The following ATP6V1E2 variants were observed in gnomAD, a reference collection of about 807,000 sequenced individuals.
ATP6V1E2 encodes V-type proton ATPase subunit E 2.
For missense variants in ATP6V1E2, 308 were observed against 273.3 expected, an observed-to-expected ratio of 1.13 and a Z score of -0.90; for synonymous variants, 121 against 104.2, an observed-to-expected ratio of 1.16 and a Z score of -0.98.
At chr2:46,517,939 C>T (rs1054357900) in intron 4 of ATP6V1E2, among the ~76,000 whole-genome samples, 2 of 152,188 alleles carry the variant, frequency 1.3e-5, no homozygotes, top group East Asian at 1.9e-4. Flanking sequence ...TGCTATGGAA[C>T]ACAGTATGGT....
Position 46,541,473 on chromosome 2 carries a change from A to G in ATP6V1E2, c.-373-20T>C, listed in dbSNP as rs1667766734. 6.6e-6 allele frequency: 1 copy of G among 152,136 alleles called. No individual in the cohort carries two copies. The highest frequency in any genetic ancestry group is 2.4e-5 in the African/African-American group (1 of 41,410). The allele number at this position is 152,136 out of a possible 1,614,324, so 9.4% of individuals were successfully genotyped here. ...GGCCTCCTGGATAGTGAGGAACGGG[A>G]ATACAACAGTGAGCATTTCCCCAAG... On this transcript the variant is annotated intron_variant, in intron 1 of 4. Coordinates refer to ENST00000522587, the MANE Select transcript of ATP6V1E2 (RefSeq NM_001318063.2).
chr2:46,526,164 G>A (rs550966458), intron 4 of ATP6V1E2, among the ~76,000 whole-genome samples: 1 of 152,260 alleles, frequency 6.6e-6, no homozygotes, highest in African/African-American at 2.4e-5. Flanking sequence ...TGCCCAGGCT[G>A]GAGTGCGGTG....
Position 46,512,452 on chromosome 2 carries a change from C to T in ATP6V1E2, c.260G>A (p.Arg87Gln), listed in dbSNP as rs139268603. 46 of 1,614,056 alleles carry T rather than the reference C, an allele frequency of 2.8e-5. No individual in the cohort carries two copies. The African/African-American group carries it at 4.9e-4, about 17-fold the overall frequency. ...NQARLKVLRARNDLISDLLSE... is the reference protein window; with the variant it reads ...NQARLKVLRAQNDLISDLLSE... ...GAGCAAATCTGAGATGAGGTCATTTCGGGCTCTCAGGACTTTCAGCCTCGC... is the reference window on the plus strand; with the variant it reads ...GAGCAAATCTGAGATGAGGTCATTTTGGGCTCTCAGGACTTTCAGCCTCGC... Residue 87 changes from arginine (R) to glutamine (Q), a missense_variant, in exon 5 of 5, where the codon CGA (arginine) becomes CAA (glutamine). Transcript: ENST00000522587.
At chr2:46,528,766 C>T (rs1667047681) in intron 4 of ATP6V1E2, among the ~76,000 whole-genome samples, 1 of 152,256 alleles carries the variant, frequency 6.6e-6, no homozygotes, top group Non-Finnish European at 1.5e-5. Flanking sequence ...AAAACTACTT[C>T]TGTAAAACCA....
At chr2:46,533,931 C>T (rs775522612) in intron 4 of ATP6V1E2, among the ~76,000 whole-genome samples, 39 of 152,072 alleles carry the variant, frequency 2.6e-4, no homozygotes, top group Non-Finnish European at 4.1e-4. Flanking sequence ...GAGAAGTCTG[C>T]AATTATATCT....
At chr2:46,520,708 C>T (rs761423503) in intron 4 of ATP6V1E2, among the ~76,000 whole-genome samples, 37 of 152,314 alleles carry the variant, frequency 2.4e-4, no homozygotes, top group Non-Finnish European at 4.3e-4. Flanking sequence ...GAGCTGGATT[C>T]GGTGTTTGTT....
intron 4 of ATP6V1E2, among the ~76,000 whole-genome samples, chr2:46,521,663 G>A (rs1330314207): frequency 6.6e-6 from 1 of 151,916 alleles, no homozygotes; most frequent in East Asian, 1.9e-4. Context: ...GTGGAAGTGG[G>A]GCATCCCCTC....
intron 4 of ATP6V1E2, among the ~76,000 whole-genome samples, chr2:46,514,867 CAA>C (rs1268210414): frequency 6.6e-6 from 1 of 151,760 alleles, no homozygotes; most frequent in Non-Finnish European, 1.5e-5. Context: ...ATCAAATTGT[CAA>C]AAGTCAAAGA....
At chr2:46,541,108 G>A (rs569436903) in intron 2 of ATP6V1E2, among the ~76,000 whole-genome samples, 53 of 152,310 alleles carry the variant, frequency 3.5e-4, no homozygotes, top group Non-Finnish European at 5.6e-4. Flanking sequence ...CAGGACACGA[G>A]TCCCTGCAAA....
At chr2:46,532,403 T>A (rs1255175704) in intron 4 of ATP6V1E2, among the ~76,000 whole-genome samples, 1 of 152,130 alleles carries the variant, frequency 6.6e-6, no homozygotes, top group Non-Finnish European at 1.5e-5. Context: ...ATTTATGTAT[T>A]TATGTATGTA....
At chr2:46,514,463 G>C (rs1472319850) in intron 4 of ATP6V1E2, among the ~76,000 whole-genome samples, 2 of 151,970 alleles carry the variant, frequency 1.3e-5, no homozygotes, top group African/African-American at 4.8e-5. Flanking sequence ...AATATCAAAA[G>C]AGATATAGAA....
chr2:46,519,174 G>A (rs958290174), intron 4 of ATP6V1E2: 4 of 152,316 alleles, frequency 2.6e-5, no homozygotes, highest in Non-Finnish European at 5.9e-5. Context: ...CCGGGGCCAT[G>A]ACGGGGGTTA....
chr2:46,517,902 G>C (rs1256396323), intron 4 of ATP6V1E2, among the ~76,000 whole-genome samples: 1 of 152,208 alleles, frequency 6.6e-6, no homozygotes. Flanking sequence ...TGTGCACTGG[G>C]TTGGTGGGAA....
In ATP6V1E2 at chr2:46,512,555, T is replaced by C. The variant is rs1239917167; in HGVS notation, c.157A>G (p.Ile53Val). ...GRLVQTQRLK[I>V]MEYYEKKEKQ... is the part of the protein sequence containing the mutation. Reference sequence around the variant, plus strand: ...TCCTTTTTCTCATAATACTCCATAATCTTCAGTCGTTGGGTTTGCACGAGG... The same window carrying C: ...TCCTTTTTCTCATAATACTCCATAACCTTCAGTCGTTGGGTTTGCACGAGG... The change falls in exon 5 of 5, where the codon ATT (isoleucine) becomes GTT (valine). Residue 53 changes from isoleucine to valine, a missense_variant. Coordinates refer to ENST00000522587, the MANE Select transcript of ATP6V1E2 (RefSeq NM_001318063.2). 1.2e-6 allele frequency: 2 copies of C among 1,614,218 alleles called. No individual in the cohort carries two copies. Among genetic ancestry groups the C allele is most frequent in the Admixed American group, 1.7e-5 (1 of 60,028 alleles).
At chr2:46,539,144 G>C (rs1329204197) in intron 2 of ATP6V1E2, among the ~76,000 whole-genome samples, 1 of 152,134 alleles carries the variant, frequency 6.6e-6, no homozygotes, top group Admixed American at 6.5e-5. Flanking sequence ...TGCTGTTCTG[G>C]ATAGACAAAC....
chr2:46,518,766 G>GTT (rs1403143803), intron 4 of ATP6V1E2, among the ~76,000 whole-genome samples: 1 of 30,602 alleles, frequency 3.3e-5, no homozygotes, highest in Non-Finnish European at 6.7e-5. Context: ...TTTTGTGTGT[G>GTT]TGTGTGTGTG....
At chr2:46,533,259 G>C (rs1391764702) in intron 4 of ATP6V1E2, among the ~76,000 whole-genome samples, 3 of 149,796 alleles carry the variant, frequency 2.0e-5, no homozygotes, top group African/African-American at 4.9e-5. Flanking sequence ...AGATAGAATG[G>C]TTTGGGGTTT....
chr2:46,526,822 A>G (rs900163581), intron 4 of ATP6V1E2, among the ~76,000 whole-genome samples: 3 of 152,176 alleles, frequency 2.0e-5, no homozygotes, highest in Admixed American at 6.5e-5. Flanking sequence ...TGTTGTGAAT[A>G]ATGCTGCTAT....
At chr2:46,529,984 C>A (rs1367207440) in intron 4 of ATP6V1E2, among the ~76,000 whole-genome samples, 1 of 151,964 alleles carries the variant, frequency 6.6e-6, no homozygotes, top group Non-Finnish European at 1.5e-5. Context: ...TGTTTTCGAA[C>A]CAGAAAGAAA....
Sources: gnomAD v4.1 joint callset for allele counts (sites outside exome capture counted in the v4.1 genomes callset) on GRCh38, gnomAD v4.1.1 for gene constraint, MANE v1.5 for transcripts, NCBI Gene and HGNC (gene_info 2026-07-23, HGNC 2026-07-21) for gene names.